The following DACH2 variants were observed in gnomAD, a reference collection of about 807,000 sequenced individuals.
The protein encoded by DACH2 is dachshund family transcription factor 2.
A neutral mutation model predicts 35.8 loss-of-function variants in DACH2; 17 were observed. That is an observed-to-expected ratio of 0.48 (90% CI 0.33 to 0.71). The LOEUF is 0.71. DACH2 is among the 30% of genes least tolerant of loss of function. The pLI is 0.02. For synonymous variants in DACH2, 195 were observed against 177.3 expected (o/e 1.10, Z -0.79); for missense variants, 469 against 472.7 (o/e 0.99, Z 0.07).
intron 2 of DACH2, among the ~76,000 whole-genome samples, chrX:86,450,397 A>G (rs1352525073): frequency 9.0e-6 from 1 of 111,189 alleles, no homozygotes; most frequent in Non-Finnish European, 1.9e-5. Context: ...TGAAAAGGAC[A>G]TGTTTTTTTT....
intron 3 of DACH2, among the ~76,000 whole-genome samples, chrX:86,637,241 A>AAAAAAAC (rs1569457456): frequency 1.3e-5 from 1 of 77,926 alleles, no homozygotes; most frequent in African/African-American, 4.9e-5. Context: ...AAAAAAAAAA[A>AAAAAAAC]AAAAACAGAT....
At chrX:86,277,965 G>A (rs898226909) in intron 1 of DACH2, among the ~76,000 whole-genome samples, 3 of 111,573 alleles carry the variant, frequency 2.7e-5, no homozygotes, top group African/African-American at 9.8e-5. Flanking sequence ...TTTCTCAATC[G>A]GATTGTGATG....
At chrX:86,740,243 A>C (rs933661753) in intron 7 of DACH2, among the ~76,000 whole-genome samples, 1 of 111,271 alleles carries the variant, frequency 9.0e-6, no homozygotes, top group African/African-American at 3.3e-5. Context: ...TTGCCCATTT[A>C]AGAGTGATTA....
chrX:86,798,539 T>C (rs4828397), intron 7 of DACH2: 8,519 of 113,452 alleles, frequency 0.075, 508 homozygotes, highest in Admixed American at 0.27. Flanking sequence ...AAACTTTACA[T>C]TTCTATATTT....
intron 2 of DACH2, among the ~76,000 whole-genome samples, chrX:86,421,140 T>C (rs2036795943): frequency 9.0e-6 from 1 of 111,618 alleles, no homozygotes; most frequent in South Asian, 3.7e-4. Context: ...AATAAGTAAA[T>C]TATAAATTAT....
intron 3 of DACH2, among the ~76,000 whole-genome samples, chrX:86,545,453 AC>A (rs2038944642): frequency 8.9e-6 from 1 of 111,905 alleles, no homozygotes; most frequent in East Asian, 2.8e-4. Context: ...TATGCTTATT[AC>A]CTGGGTGATG....
intron 1 of DACH2, among the ~76,000 whole-genome samples, chrX:86,275,478 T>C (rs1288101259): frequency 9.0e-6 from 1 of 111,685 alleles, no homozygotes; most frequent in Non-Finnish European, 1.9e-5. Flanking sequence ...GATCCAAGCA[T>C]ACAATGTGAA....
chrX:86,407,562 G>T (rs1480810191), intron 2 of DACH2, among the ~76,000 whole-genome samples: 1 of 112,141 alleles, frequency 8.9e-6, no homozygotes, highest in African/African-American at 3.2e-5. Flanking sequence ...TGCTTTTATT[G>T]AATTTTGAAC....
intron 3 of DACH2, among the ~76,000 whole-genome samples, chrX:86,637,224 A>AAAC (rs2040280108): frequency 3.4e-5 from 3 of 88,700 alleles, no homozygotes. Context: ...AAAAAAAAAA[A>AAAC]AAAAAAAAAA....
chrX:86,413,928 G>C (rs1335259100), intron 2 of DACH2, among the ~76,000 whole-genome samples: 1 of 111,166 alleles, frequency 9.0e-6, no homozygotes, highest in Non-Finnish European at 1.9e-5. Context: ...TTGATATTTT[G>C]GGTCCCCTGG....
At chrX:86,372,085 G>A (rs775109014) in intron 1 of DACH2, among the ~76,000 whole-genome samples, 2 of 110,681 alleles carry the variant, frequency 1.8e-5, no homozygotes, top group Non-Finnish European at 3.8e-5. Flanking sequence ...CATTTTTATC[G>A]ATCTTTTCGA....
At chrX:86,595,009 C>T (rs1744191488) in intron 3 of DACH2, among the ~76,000 whole-genome samples, 1 of 111,661 alleles carries the variant, frequency 9.0e-6, no homozygotes, top group Non-Finnish European at 1.9e-5. Context: ...AAATTGACTC[C>T]TTTATCATTT....
chrX:86,287,003 T>C (rs1166034473), intron 1 of DACH2, among the ~76,000 whole-genome samples: 1 of 111,433 alleles, frequency 9.0e-6, no homozygotes, highest in African/African-American at 3.3e-5. Context: ...TTCTTATTGC[T>C]CATTAATTTT....
intron 2 of DACH2, among the ~76,000 whole-genome samples, chrX:86,471,000 G>A (rs941007875): frequency 9.0e-6 from 1 of 110,778 alleles, no homozygotes; most frequent in African/African-American, 3.3e-5. Context: ...TGAATTAAAG[G>A]TGTTTTTTAA....
Position 86,698,514 on chromosome X carries a change from G to GTTTTTTTTTTTTTTTTTT in DACH2, c.931+3339_931+3340insTTTTTTTTTTTTTTTTTT, listed in dbSNP as rs1345238527. Among the ~76,000 whole-genome samples the GTTTTTTTTTTTTTTTTTT allele has an allele frequency of 1.2e-3, 40 of 34,334 alleles. 4 individuals are homozygous for GTTTTTTTTTTTTTTTTTT. Among genetic ancestry groups the GTTTTTTTTTTTTTTTTTT allele is most frequent in the Non-Finnish European group, 1.7e-3 (35 of 20,265 alleles). The allele number at this position is 34,334 out of a possible 115,157, so 29.8% of individuals were successfully genotyped here. ...TTAATTTCTTCTTTTTGTTTTGTTA[G>GTTTTTTTTTTTTTTTTTT]TTTTGTGTTTTTTTTTTTTTTTTTT... On this transcript the variant is annotated intron_variant, in intron 5 of 11. Transcript: ENST00000373125.
intron 2 of DACH2, among the ~76,000 whole-genome samples, chrX:86,432,710 T>C (rs2037005156): frequency 8.9e-6 from 1 of 112,205 alleles, no homozygotes; most frequent in Admixed American, 9.5e-5. Context: ...GCCTGTGGAT[T>C]TATTACTGTA....
At chrX:86,402,883 A>G (rs1219518779) in intron 2 of DACH2, among the ~76,000 whole-genome samples, 4 of 111,836 alleles carry the variant, frequency 3.6e-5, no homozygotes, top group Non-Finnish European at 7.5e-5. Context: ...AAATCCACAC[A>G]CCTACAACCA....
At chrX:86,401,384 T>A (rs754777348) in intron 2 of DACH2, among the ~76,000 whole-genome samples, 2 of 111,998 alleles carry the variant, frequency 1.8e-5, no homozygotes, top group East Asian at 5.7e-4. Flanking sequence ...GCACCCACTG[T>A]CCTGCACCCA....
chrX:86,576,502 T>A (rs1164998485), intron 3 of DACH2, among the ~76,000 whole-genome samples: 1 of 111,780 alleles, frequency 8.9e-6, no homozygotes, highest in Non-Finnish European at 1.9e-5. Flanking sequence ...TAGAAAAGTT[T>A]TACTGCAAAC....
Sources: gnomAD v4.1 joint callset for allele counts (sites outside exome capture counted in the v4.1 genomes callset) on GRCh38, gnomAD v4.1.1 for gene constraint, MANE v1.5 for transcripts, NCBI Gene and HGNC (gene_info 2026-07-23, HGNC 2026-07-21) for gene names.